Variants in MAPK6 observed in about 807,000 individuals in gnomAD.
The protein encoded by MAPK6 is ERK-3.
A neutral mutation model predicts 59.3 loss-of-function variants in MAPK6; 19 were observed. The ratio of observed to expected loss-of-function variants is 0.32; its 90% CI spans 0.22 to 0.47. The LOEUF (loss-of-function observed/expected upper bound fraction) is 0.47. Among genes scored for constraint, MAPK6 ranks in the 20% least tolerant of loss-of-function variants. The pLI, the probability that MAPK6 is intolerant of heterozygous loss-of-function variation, is 1.00. For synonymous variants in MAPK6, 316 were observed against 290.3 expected (o/e 1.09, Z -0.90); for missense variants, 724 against 847.9 (o/e 0.85, Z 1.81).
intron 1 of MAPK6, among the ~76,000 whole-genome samples, chr15:52,032,837 ACCACAC>A (rs2031092583): frequency 6.6e-6 from 1 of 152,166 alleles, no homozygotes; most frequent in Admixed American, 6.5e-5. Context: ...GGCATGCGCC[ACCACAC>A]CCAGCTAATT....
chr15:52,050,490 T>A (rs567543581), intron 3 of MAPK6, among the ~76,000 whole-genome samples: 1 of 152,314 alleles, frequency 6.6e-6, no homozygotes, highest in East Asian at 1.9e-4. Context: ...TTTTTCTTGG[T>A]CCCCTCCCCC....
rs757076439 is a variant in MAPK6 at position 52,064,967 on chromosome 15, AACAT to A, written c.2137_2140del (p.Tyr713AlafsTer4). 3 of 1,611,142 alleles carry A rather than the reference AACAT, an allele frequency of 1.9e-6. No individual in the cohort carries two copies. Among genetic ancestry groups the A allele is most frequent in the Non-Finnish European group, 2.5e-6 (3 of 1,179,118 alleles). On this transcript the variant is annotated frameshift_variant, in exon 6 of 6. Coordinates refer to ENST00000261845, the MANE Select transcript of MAPK6 (RefSeq NM_002748.4). LOFTEE classifies it high-confidence loss of function. ...AATCTTCCCCTCAAATTCCTCATCA[AACAT>A]ACAGCAGCATTCTGAAACATCTGAA... is the stretch of plus-strand genomic sequence containing the variant.
At chr15:52,002,545 A>G (rs1595963548) in intron 2 of MAPK6, among the ~76,000 whole-genome samples, 1 of 152,182 alleles carries the variant, frequency 6.6e-6, no homozygotes, top group East Asian at 1.9e-4. Context: ...AATGGCAGGG[A>G]AAGGAAATAA....
chr15:51,971,901 G>T (rs554015336), exon 1 of MAPK6: 2 of 716,716 alleles, frequency 2.8e-6, no homozygotes, highest in Non-Finnish European at 4.9e-6. Context: ...ACCTGTTCTC[G>T]CCTGGGTATG....
At position 51,977,798 on chromosome 15, in the gene MAPK6, A is replaced by C. The variant is rs1289588658; in HGVS notation, c.-879-5408A>C. On this transcript the variant is annotated intron_variant, in intron 1 of 7. Transcript: ENST00000691380. ...GCGATCCTCCCACCTTGGCCTCCTA[A>C]AGTACTGGGATTATAGGAACAAGAC... Among the ~76,000 whole-genome samples, 4 of 151,796 alleles carry C rather than the reference A, an allele frequency of 2.6e-5. No individual in the cohort carries two copies. In the East Asian group the frequency reaches 5.8e-4, roughly 22 times the overall value.
At chr15:52,059,248 C>T (rs755451630) in intron 4 of MAPK6, among the ~76,000 whole-genome samples, 3 of 152,226 alleles carry the variant, frequency 2.0e-5, no homozygotes, top group Admixed American at 6.5e-5. Flanking sequence ...TAGCCACTGT[C>T]ACAACATCCC....
At chr15:52,043,803 G>C (rs138355698) in intron 1 of MAPK6, among the ~76,000 whole-genome samples, 2,186 of 123,024 alleles carry the variant, frequency 0.018, 31 homozygotes, top group African/African-American at 0.036. Context: ...GTGTCCCCCA[G>C]GCTGGAGTGC....
chr15:51,995,910 A>G (rs1002035976), intron 2 of MAPK6, among the ~76,000 whole-genome samples: 7 of 150,730 alleles, frequency 4.6e-5, no homozygotes, highest in African/African-American at 1.2e-4. Context: ...CCTGGGCTAC[A>G]GAGTGAGATT....
upstream of MAPK6, among the ~76,000 whole-genome samples, chr15:52,016,107 C>CACACACACACAA (rs1267339787): frequency 2.0e-3 from 274 of 136,278 alleles, no homozygotes; most frequent in East Asian, 6.1e-3. Flanking sequence ...CACACACACA[C>CACACACACACAA]AAACTAAAAC....
intron 1 of MAPK6, among the ~76,000 whole-genome samples, chr15:52,021,268 A>C (rs753087467): frequency 1.1e-4 from 16 of 152,044 alleles, no homozygotes; most frequent in Non-Finnish European, 1.6e-4. Context: ...ACTTTGCTGA[A>C]GGGGATGGGG....
At chr15:52,004,104 T>TAGTA (rs1457027859) in intron 2 of MAPK6, 2 of 152,222 alleles carry the variant, frequency 1.3e-5, no homozygotes, top group African/African-American at 4.8e-5. Flanking sequence ...ATGTGAGTCT[T>TAGTA]TACTAAGCGT....
chr15:52,052,724 T>G (rs1325713879), intron 3 of MAPK6, among the ~76,000 whole-genome samples: 1 of 152,240 alleles, frequency 6.6e-6, no homozygotes, highest in Non-Finnish European at 1.5e-5. Context: ...ATGTTAGTAC[T>G]TTTTTCCTTT....
chr15:51,977,898 C>T (rs990164927), intron 1 of MAPK6, among the ~76,000 whole-genome samples: 4 of 151,782 alleles, frequency 2.6e-5, no homozygotes, highest in Non-Finnish European at 5.9e-5. Flanking sequence ...CCAGCTGAGC[C>T]TTTCCTCAAT....
At chr15:52,022,686 G>A (rs1486540287) in intron 1 of MAPK6, among the ~76,000 whole-genome samples, 2 of 151,844 alleles carry the variant, frequency 1.3e-5, no homozygotes, top group East Asian at 3.9e-4. Context: ...TTTCCTACTA[G>A]AGGAAACATA....
chr15:51,972,738 C>A (rs976700567), intron 1 of MAPK6, among the ~76,000 whole-genome samples: 1 of 150,662 alleles, frequency 6.6e-6, no homozygotes, highest in Non-Finnish European at 1.5e-5. Context: ...AGGAGAATGG[C>A]GTGAACCCAG....
chr15:52,026,965 G>A (rs1282094480), intron 1 of MAPK6, among the ~76,000 whole-genome samples: 6 of 151,730 alleles, frequency 4.0e-5, no homozygotes, highest in South Asian at 2.1e-4. Context: ...CAGGAGAATC[G>A]CTTGAACCCA....
intron 3 of MAPK6, among the ~76,000 whole-genome samples, chr15:52,052,103 C>T (rs1158602424): frequency 2.0e-5 from 3 of 152,110 alleles, no homozygotes; most frequent in African/African-American, 4.8e-5. Context: ...CATTTATTAA[C>T]GTTTTACAGT....
intron 4 of MAPK6, among the ~76,000 whole-genome samples, chr15:52,060,235 G>C (rs1050390387): frequency 2.0e-5 from 3 of 152,126 alleles, no homozygotes; most frequent in African/African-American, 7.2e-5. Context: ...AAGATGCTGT[G>C]TCTTAAAATT....
intron 2 of MAPK6, among the ~76,000 whole-genome samples, chr15:52,049,763 C>A (rs891872913): frequency 6.6e-6 from 1 of 151,894 alleles, no homozygotes; most frequent in Non-Finnish European, 1.5e-5. Context: ...TACAGGCATG[C>A]ACCACCACAC....
Sources: allele counts gnomAD v4.1 joint callset (sites outside exome capture counted in the v4.1 genomes callset), GRCh38; gene constraint gnomAD v4.1.1; transcripts MANE v1.5; gene names NCBI Gene and HGNC (gene_info 2026-07-23, HGNC 2026-07-21).